HIPK2: variants seen among roughly 807,000 people sequenced by gnomAD.
HIPK2 encodes homeodomain-interacting protein kinase 2.
In HIPK2, 27 loss-of-function variants were observed where a neutral mutation model predicts 113.7. The observed-to-expected ratio is 0.24, with a 90% CI of 0.17 to 0.33. The LOEUF is 0.33. Ranked by LOEUF, HIPK2 falls within the 10% of genes least tolerant of loss-of-function variation. The pLI is 1.00. For synonymous variants in HIPK2, 631 were observed against 642.2 expected (o/e 0.98, Z 0.26); for missense variants, 1,257 against 1,588.0 (o/e 0.79, Z 3.54).
At chr7:139,692,830 G>C (rs1041670065) in intron 2 of HIPK2, among the ~76,000 whole-genome samples, 4 of 152,238 alleles carry the variant, frequency 2.6e-5, no homozygotes, top group Non-Finnish European at 5.9e-5. Context: ...CCTAGGCAGG[G>C]AAGAAGTACG....
intron 7 of HIPK2, among the ~76,000 whole-genome samples, chr7:139,617,190 G>A (rs899609601): frequency 6.6e-6 from 1 of 152,172 alleles, no homozygotes; most frequent in South Asian, 2.1e-4. Context: ...CAGAGAACTG[G>A]GAAGAGCTCT....
intron 1 of HIPK2, among the ~76,000 whole-genome samples, chr7:139,767,081 C>T (rs1796565402): frequency 6.6e-6 from 1 of 152,360 alleles, no homozygotes; most frequent in Middle Eastern, 3.4e-3. Flanking sequence ...GACTCTCTCA[C>T]ATCCAAGAAA....
chr7:139,708,001 C>G (rs1222271255), intron 2 of HIPK2, among the ~76,000 whole-genome samples: 3 of 151,984 alleles, frequency 2.0e-5, no homozygotes, highest in Non-Finnish European at 4.4e-5. Context: ...CTGTTGCCAC[C>G]CCTGGGGCAT....
At position 139,566,162 on chromosome 7, in the gene HIPK2, C is replaced by T. The variant is rs913054066; in HGVS notation, c.*6765G>A. The T allele has an allele frequency of 2.0e-5, 3 of 152,226 alleles. No homozygotes were observed. The South Asian group carries it at 6.2e-4, about 32-fold the overall frequency. 9.4% of individuals were successfully genotyped at this position (152,226 alleles called of 1,614,324 possible). A position where few individuals can be genotyped will look rare whatever the true frequency, so the allele number is the denominator to read the frequency against. On this transcript the variant is annotated 3_prime_UTR_variant, in exon 15 of 15. Coordinates refer to ENST00000406875, the MANE Select transcript of HIPK2 (RefSeq NM_022740.5). This position sits in a 1 kb window ranked among gnomAD's most constrained non-coding sequence, Gnocchi z 4.1. ...CTCAGGAGCCCCCTCTTTGCACAGT[C>T]CTTTAGCTGAGTCCCACGGTGCATG...
intron 2 of HIPK2, among the ~76,000 whole-genome samples, chr7:139,639,284 A>G (rs1297213326): frequency 2.6e-5 from 4 of 152,146 alleles, no homozygotes; most frequent in Non-Finnish European, 4.4e-5. Context: ...CATCCAGCCC[A>G]CCTGAAGCAT....
chr7:139,712,057 C>G (rs569849049), intron 2 of HIPK2, among the ~76,000 whole-genome samples: 1 of 152,198 alleles, frequency 6.6e-6, no homozygotes, highest in Non-Finnish European at 1.5e-5. Flanking sequence ...TCCCAGCAAC[C>G]TCTCCAGGAG....
intron 1 of HIPK2, among the ~76,000 whole-genome samples, chr7:139,722,249 GACATTAAAATAT>G (rs1468020384): frequency 6.6e-6 from 1 of 152,068 alleles, no homozygotes; most frequent in East Asian, 1.9e-4. Flanking sequence ...CTATAAAACT[GACATTAAAATAT>G]ATGCTATAGT....
Position 139,683,995 on chromosome 7 carries a change from C to T in HIPK2, c.1103+31937G>A, listed in dbSNP as rs188999652. On this transcript the variant is annotated intron_variant, in intron 2 of 14. Transcript: ENST00000406875. The surrounding 1 kb of genome is among the most constrained non-coding windows in gnomAD (Gnocchi z 4.2). ...ACACAAATTGAAGGTTTGTGGCAACCGTGCATCGAGCCGGTCTATCAGTAC... is the reference window on the plus strand; with the variant it reads ...ACACAAATTGAAGGTTTGTGGCAACTGTGCATCGAGCCGGTCTATCAGTAC... Among the ~76,000 whole-genome samples the T allele has an allele frequency of 7.9e-5, 12 of 151,968 alleles. No individual in the cohort carries two copies. Among genetic ancestry groups the T allele is most frequent in the Admixed American group, 2.6e-4 (4 of 15,264 alleles).
In HIPK2 at chr7:139,575,067, A is replaced by T. The variant is rs529203770; in HGVS notation, c.3126+61T>A. 5 of 1,517,376 alleles carry T rather than the reference A, an allele frequency of 3.3e-6. No individual in the cohort carries two copies. In the South Asian group the frequency reaches 6.4e-5, roughly 19 times the overall value. The allele number at this position is 1,517,376 out of a possible 1,614,324, so 94.0% of individuals were successfully genotyped here. A position where few individuals can be genotyped will look rare whatever the true frequency, so the allele number is the denominator to read the frequency against. On this transcript the variant is annotated intron_variant, in intron 14 of 14. Transcript: ENST00000406875. ...GGGGCCGCCACAGCAATCCTCTCTG[A>T]AGCGGAAGGATGAGGGGATGGGGGC...
intron 2 of HIPK2, among the ~76,000 whole-genome samples, chr7:139,672,697 T>G (rs988782530): frequency 1.3e-5 from 2 of 152,146 alleles, no homozygotes; most frequent in African/African-American, 4.8e-5. Flanking sequence ...TGACCTCAGG[T>G]GATCCACCCG....
intron 13 of HIPK2, 84 bp downstream of exon 13, chr7:139,583,733 C>T: frequency 6.5e-7 from 1 of 1,546,908 alleles, no homozygotes; most frequent in South Asian, 1.2e-5. Context: ...TACTAGCTCC[C>T]ATACAGCAAC....
intron 2 of HIPK2, among the ~76,000 whole-genome samples, chr7:139,703,075 C>G (rs1794760753): frequency 6.6e-6 from 1 of 152,102 alleles, no homozygotes; most frequent in African/African-American, 2.4e-5. Context: ...TACCCAAACA[C>G]AGCACAACAA....
intron 2 of HIPK2, among the ~76,000 whole-genome samples, chr7:139,710,672 G>A (rs1795035268): frequency 6.6e-6 from 1 of 152,160 alleles, no homozygotes; most frequent in African/African-American, 2.4e-5. Context: ...GAATTGAACT[G>A]AAAATTAATC....
chr7:139,646,118 G>A (rs1569463136), intron 2 of HIPK2, among the ~76,000 whole-genome samples: 2 of 152,168 alleles, frequency 1.3e-5, no homozygotes, highest in African/African-American at 2.4e-5. Context: ...GCGCTGAAGT[G>A]CAACAGACAC....
At chr7:139,676,815 T>C (rs1016477297) in intron 2 of HIPK2, among the ~76,000 whole-genome samples, 8 of 152,140 alleles carry the variant, frequency 5.3e-5, no homozygotes, top group Non-Finnish European at 1.0e-4. Context: ...ATACATCTAA[T>C]TGACAAATGA....
chr7:139,574,164 C>A (rs1364245846), intron 14 of HIPK2, among the ~76,000 whole-genome samples: 1 of 152,152 alleles, frequency 6.6e-6, no homozygotes, highest in South Asian at 2.1e-4. Flanking sequence ...TTCTTACTCA[C>A]TGTAAAATCT....
chr7:139,691,688 GGA>G (rs1447450552), intron 2 of HIPK2, among the ~76,000 whole-genome samples: 2 of 152,250 alleles, frequency 1.3e-5, no homozygotes, highest in African/African-American at 4.8e-5. Context: ...AGCCTGGTGT[GGA>G]GAGAGCTGGC....
rs73485548 is a variant in HIPK2 at position 139,597,064 on chromosome 7, C to T, written c.2436-66G>A. ...GGCCCCACAACTCCTTCGAAGGAGC[C>T]CAATTGCCTAGAAACACCTGCTTTG... On this transcript the variant is annotated intron_variant, in intron 11 of 14. Transcript: ENST00000406875. The T allele has an allele frequency of 9.6e-4, 1,443 of 1,502,166 alleles. 16 individuals are homozygous for T. The African/African-American group carries it at 0.017, about 18-fold the overall frequency. The allele number at this position is 1,502,166 out of a possible 1,614,324, so 93.1% of individuals were successfully genotyped here. A position where few individuals can be genotyped will look rare whatever the true frequency, so the allele number is the denominator to read the frequency against.
intron 2 of HIPK2, among the ~76,000 whole-genome samples, chr7:139,713,995 G>T (rs984015882): frequency 6.6e-6 from 1 of 152,196 alleles, no homozygotes; most frequent in Non-Finnish European, 1.5e-5. Context: ...GTCTTCCTTG[G>T]AGGCTCCTGC....
Sources: gnomAD v4.1 joint callset for allele counts (sites outside exome capture counted in the v4.1 genomes callset) on GRCh38, gnomAD v4.1.1 for gene constraint, Gnocchi (gnomAD v3.1) non-coding constraint, MANE v1.5 for transcripts, NCBI Gene and HGNC (gene_info 2026-07-23, HGNC 2026-07-21) for gene names.